The following CD55 variants were observed in gnomAD, a reference collection of about 807,000 sequenced individuals.
CD55 encodes complement decay-accelerating factor.
Under a neutral mutation model 45.8 loss-of-function variants are expected in CD55, and 41 were observed. The ratio of observed to expected loss-of-function variants is 0.90; its 90% CI spans 0.70 to 1.16. CD55 has a LOEUF of 1.16. CD55 is among the 50% of genes most tolerant of loss of function. CD55 has a pLI of 0.00. For synonymous variants in CD55, 181 were observed against 181.1 expected, an observed-to-expected ratio of 1.00 and a Z score of 0.01; for missense variants, 416 against 469.8, an observed-to-expected ratio of 0.89 and a Z score of 1.06.
At chr1:207,347,849 T>A (rs1235554101) in intron 9 of CD55, among the ~76,000 whole-genome samples, 1 of 152,240 alleles carries the variant, frequency 6.6e-6, no homozygotes, top group Non-Finnish European at 1.5e-5. Context: ...TTTCTGTTCC[T>A]GCATTAATTC....
At position 207,324,632 on chromosome 1, in the gene CD55, AGTCGGTACT is replaced by A; in HGVS notation, c.363_371del (p.Gly122_Val124del). 6.2e-7 allele frequency: 1 copy of A among 1,612,434 alleles called. No individual in the cohort carries two copies. Among genetic ancestry groups the A allele is most frequent in the Non-Finnish European group, 8.5e-7 (1 of 1,179,142 alleles). On this transcript the variant is annotated inframe_deletion, in exon 3 of 10. Transcript: ENST00000367064. ...CTTATATCACTCAGAATTATTTTCC[AGTCGGTACT>A]GTTGTGGAATATGAGTGCCGTCCAG...
Position 207,360,302 on chromosome 1 carries a change from A to G in CD55, c.*692A>G, listed in dbSNP as rs1295744326. Reference sequence around the variant, plus strand: ...TATCCAGAGATACTACAATATTAACATAAGAAAAGATTATATATTATTTCT... The same window carrying G: ...TATCCAGAGATACTACAATATTAACGTAAGAAAAGATTATATATTATTTCT... On this transcript the variant is annotated 3_prime_UTR_variant, in exon 10 of 10. Coordinates refer to ENST00000367064, the MANE Select transcript of CD55 (RefSeq NM_000574.5). The G allele has an allele frequency of 2.6e-5, 4 of 152,188 alleles. No individual in the cohort carries two copies. Among genetic ancestry groups the G allele is most frequent in the Non-Finnish European group, 5.9e-5 (4 of 68,012 alleles). The allele number at this position is 152,188 out of a possible 1,614,324, so 9.4% of individuals were successfully genotyped here.
chr1:207,336,569 T>C (rs2102406439), intron 6 of CD55, 124 bp from the exon 7 acceptor site: 3 of 1,142,662 alleles, frequency 2.6e-6, no homozygotes, highest in Non-Finnish European at 3.7e-6. Flanking sequence ...GTTGGTTTCC[T>C]GAAAGTCATA....
At chr1:207,356,309 A>T (rs963721100) in intron 9 of CD55, among the ~76,000 whole-genome samples, 1 of 152,090 alleles carries the variant, frequency 6.6e-6, no homozygotes, top group Non-Finnish European at 1.5e-5. Flanking sequence ...CTTTATTTAA[A>T]TTTTGGCGTG....
intron 7 of CD55, 36 bp from the exon 8 acceptor site, chr1:207,337,291 CAA>C: frequency 7.9e-7 from 1 of 1,265,538 alleles, no homozygotes; most frequent in Non-Finnish European, 1.2e-6. Flanking sequence ...CTAATGGTCT[CAA>C]GAGTACACAA....
At chr1:207,343,138 C>T (rs1655499386) in intron 9 of CD55, among the ~76,000 whole-genome samples, 1 of 151,952 alleles carries the variant, frequency 6.6e-6, no homozygotes, top group Admixed American at 6.6e-5. Context: ...TTCAAAAAAA[C>T]AAGTTTTCAC....
chr1:207,341,191 A>G (rs1030438906), intron 9 of CD55, among the ~76,000 whole-genome samples: 5 of 152,180 alleles, frequency 3.3e-5, no homozygotes, highest in African/African-American at 1.2e-4. Context: ...AATAGTTTAT[A>G]GATATTTTCT....
At chr1:207,345,666 T>C (rs1160554093) in intron 9 of CD55, among the ~76,000 whole-genome samples, 2 of 152,210 alleles carry the variant, frequency 1.3e-5, no homozygotes, top group East Asian at 1.9e-4. Flanking sequence ...TCCTGCATCC[T>C]GAAGTTGATA....
intron 9 of CD55, among the ~76,000 whole-genome samples, chr1:207,356,755 G>GCACACACACAGCA (rs922888971): frequency 1.6e-4 from 25 of 152,062 alleles, no homozygotes; most frequent in African/African-American, 6.0e-4. Flanking sequence ...AACAACAACA[G>GCACACACACAGCA]CACACACACA....
At chr1:207,340,020 A>G (rs773393626) in intron 9 of CD55, among the ~76,000 whole-genome samples, 60 of 152,148 alleles carry the variant, frequency 3.9e-4, no homozygotes, top group Non-Finnish European at 7.9e-4. Flanking sequence ...CATTATTGCT[A>G]ACTATACTCA....
chr1:207,330,659 A>T (rs1437941369), intron 5 of CD55, among the ~76,000 whole-genome samples: 1 of 152,158 alleles, frequency 6.6e-6, no homozygotes, highest in East Asian at 1.9e-4. Context: ...TTTCCCTCTT[A>T]GAGTGAAGAG....
At chr1:207,340,798 G>T in intron 9 of CD55, 1 of 438,768 alleles carries the variant, frequency 2.3e-6, no homozygotes, top group South Asian at 4.9e-5. Flanking sequence ...ATTTTCCTTT[G>T]GATAAATACC....
intron 9 of CD55, among the ~76,000 whole-genome samples, chr1:207,357,158 G>A (rs1489594197): frequency 6.6e-6 from 1 of 152,086 alleles, no homozygotes. Flanking sequence ...AGTCAGTCTT[G>A]TAGAAAAATA....
chr1:207,346,575 T>C lies in CD55; in HGVS notation c.1081+7158T>C, dbSNP rs557597627. On this transcript the variant is annotated intron_variant, in intron 9 of 9. Transcript: ENST00000367064. ...GGCTGGGGCACATGCAGTTTGCTCA[T>C]GCCTCAGCCCAAAGCAGCCAGCAGC... 2.0e-5 allele frequency among the ~76,000 whole-genome samples: 3 copies of C among 152,286 alleles called. No homozygotes were observed. In the East Asian group the frequency reaches 5.8e-4, roughly 29 times the overall value.
chr1:207,321,752 T>C lies in CD55; in HGVS notation c.-14T>C. The C allele has an allele frequency of 6.6e-7, 1 of 1,507,096 alleles. No homozygotes were observed. Among genetic ancestry groups the C allele is most frequent in the Admixed American group, 2.1e-5 (1 of 47,016 alleles). The allele number at this position is 1,507,096 out of a possible 1,614,324, so 93.4% of individuals were successfully genotyped here. A position where few individuals can be genotyped will look rare whatever the true frequency, so the allele number is the denominator to read the frequency against. On this transcript the variant is annotated 5_prime_UTR_variant, in exon 1 of 10. Coordinates refer to ENST00000367064, the MANE Select transcript of CD55 (RefSeq NM_000574.5). ...GAGTCCCGGCGGCGCGTCCTTGTTC[T>C]AACCCGGCGCGCCATGACCGTCGCG...
chr1:207,350,737 T>A (rs1472824130), intron 9 of CD55, among the ~76,000 whole-genome samples: 2 of 152,114 alleles, frequency 1.3e-5, no homozygotes, highest in Admixed American at 1.3e-4. Flanking sequence ...TATTTGGATG[T>A]TCTCTCTCTT....
intron 9 of CD55, among the ~76,000 whole-genome samples, chr1:207,353,158 A>G (rs1408132379): frequency 1.4e-5 from 2 of 143,096 alleles, no homozygotes; most frequent in Non-Finnish European, 3.0e-5. Flanking sequence ...GGCTCAAGTG[A>G]TCTTCCCAGG....
At chr1:207,345,804 A>G (rs935582617) in intron 9 of CD55, among the ~76,000 whole-genome samples, 1 of 152,226 alleles carries the variant, frequency 6.6e-6, no homozygotes, top group African/African-American at 2.4e-5. Context: ...TTCTGGGTGC[A>G]TGCAGTAGTG....
chr1:207,327,661 A>T (rs1367068651), intron 5 of CD55, among the ~76,000 whole-genome samples: 2 of 152,146 alleles, frequency 1.3e-5, no homozygotes, highest in African/African-American at 2.4e-5. Context: ...AATTATTGAT[A>T]AGTTAAAGTT....
Sources: gnomAD v4.1 joint callset for allele counts (sites outside exome capture counted in the v4.1 genomes callset) on GRCh38, gnomAD v4.1.1 for gene constraint, MANE v1.5 for transcripts, NCBI Gene and HGNC (gene_info 2026-07-23, HGNC 2026-07-21) for gene names.